CALN1: variants seen among roughly 807,000 people sequenced by gnomAD.
CALN1 encodes calneuron 1, also known as calcium-binding protein 8.
CALN1 carries 17 observed loss-of-function variants against 30.6 expected under a neutral mutation model. The observed-to-expected ratio is 0.56, with a 90% CI of 0.38 to 0.83. CALN1 has a LOEUF of 0.83. CALN1 is among the 40% of genes least tolerant of loss of function. CALN1 has a pLI of 0.00. For synonymous variants in CALN1, 156 were observed against 131.4 expected, an observed-to-expected ratio of 1.19 and a Z score of -1.28; for missense variants, 291 against 354.9, an observed-to-expected ratio of 0.82 and a Z score of 1.45.
Position 72,070,402 on chromosome 7 carries a change from C to T in CALN1, c.388+35749G>A, listed in dbSNP as rs76239999. Among the ~76,000 whole-genome samples the T allele has an allele frequency of 3.2e-3, 485 of 152,298 alleles. 2 individuals are homozygous for T. The highest frequency in any genetic ancestry group is 0.01 in the African/African-American group (435 of 41,560). Reference sequence around the variant, plus strand: ...GTCCAACTGCTGCAGGTCCATGAGGCTCTGCCTGGCCCAGCATTCTGTTGT... The same window carrying T: ...GTCCAACTGCTGCAGGTCCATGAGGTTCTGCCTGGCCCAGCATTCTGTTGT... On this transcript the variant is annotated intron_variant, in intron 4 of 6. Transcript: ENST00000395275.
At chr7:71,898,140 G>A (rs1584471088) in intron 5 of CALN1, among the ~76,000 whole-genome samples, 1 of 151,752 alleles carries the variant, frequency 6.6e-6, no homozygotes, top group South Asian at 2.1e-4. Context: ...GACCAGCCTG[G>A]CCAACATGGT....
chr7:72,273,785 A>C (rs1797162541), intron 3 of CALN1, among the ~76,000 whole-genome samples: 1 of 152,120 alleles, frequency 6.6e-6, no homozygotes, highest in South Asian at 2.1e-4. Flanking sequence ...TGCTGGGATT[A>C]CATAGGCATG....
intron 2 of CALN1, among the ~76,000 whole-genome samples, chr7:72,353,177 C>T (rs191179856): frequency 2.6e-5 from 4 of 152,200 alleles, no homozygotes; most frequent in Non-Finnish European, 4.4e-5. Context: ...TTTAATGAAG[C>T]GCTAATACCA....
chr7:71,819,185 A>G (rs889003274), intron 5 of CALN1, among the ~76,000 whole-genome samples: 6 of 151,588 alleles, frequency 4.0e-5, no homozygotes, highest in Admixed American at 2.6e-4. Flanking sequence ...GTAAAATATA[A>G]TAACTAAAAA....
chr7:71,916,840 G>GT (rs1794709834), intron 5 of CALN1, among the ~76,000 whole-genome samples: 2 of 152,014 alleles, frequency 1.3e-5, no homozygotes, highest in Non-Finnish European at 2.9e-5. Context: ...TTCTTGCGAT[G>GT]TAAGTAGCAT....
At chr7:72,040,075 A>G (rs1000576912) in intron 4 of CALN1, among the ~76,000 whole-genome samples, 1 of 152,184 alleles carries the variant, frequency 6.6e-6, no homozygotes, top group African/African-American at 2.4e-5. Context: ...TTTAGCTCAA[A>G]TTGAATGAGA....
At chr7:72,320,999 T>C (rs1271411463) in intron 2 of CALN1, among the ~76,000 whole-genome samples, 2 of 152,108 alleles carry the variant, frequency 1.3e-5, no homozygotes, top group South Asian at 2.1e-4. Context: ...CATAAAAACG[T>C]TATTGAAAAG....
intron 2 of CALN1, among the ~76,000 whole-genome samples, chr7:72,317,255 G>C (rs1164679216): frequency 7.0e-6 from 1 of 141,856 alleles, no homozygotes; most frequent in African/African-American, 2.7e-5. Flanking sequence ...GGAGAGAGAA[G>C]GGGGGGACGG....
intron 1 of CALN1, among the ~76,000 whole-genome samples, chr7:72,411,106 G>A (rs971023213): frequency 5.9e-5 from 9 of 152,104 alleles, no homozygotes; most frequent in African/African-American, 1.9e-4. Flanking sequence ...AGAAGATAAT[G>A]TATGAGCAGA....
chr7:71,845,732 GCTGAC>G lies in CALN1; in HGVS notation c.502-35245_502-35241del, dbSNP rs574715840. 3.0e-4 allele frequency among the ~76,000 whole-genome samples: 45 copies of G among 152,192 alleles called. No homozygotes were observed. The South Asian group carries it at 9.4e-3, about 32-fold the overall frequency. On this transcript the variant is annotated intron_variant, in intron 5 of 6. Transcript: ENST00000395275. ...GCTGATTCTGGTCATCACTTCTAGG[GCTGAC>G]CTGGGATTTCCCGCTGGGTTAAGAT...
chr7:71,824,685 C>A (rs376418438), intron 5 of CALN1, among the ~76,000 whole-genome samples: 1 of 152,118 alleles, frequency 6.6e-6, no homozygotes, highest in Non-Finnish European at 1.5e-5. Flanking sequence ...AGTTCTTTCT[C>A]CTCTGGAGAA....
At chr7:72,364,297 T>TTGTC (rs71069060) in intron 2 of CALN1, among the ~76,000 whole-genome samples, 149,746 of 152,212 alleles carry the variant, frequency 0.98, 73,701 homozygotes, top group Middle Eastern at 1. Flanking sequence ...ATTCTAAAAC[T>TTGTC]TGTAAGATTC....
chr7:72,212,157 C>T (rs184034589), intron 3 of CALN1, among the ~76,000 whole-genome samples: 1 of 151,968 alleles, frequency 6.6e-6, no homozygotes, highest in African/African-American at 2.4e-5. Context: ...TGGAGACCAT[C>T]CTGGCTAACA....
intron 5 of CALN1, among the ~76,000 whole-genome samples, chr7:71,826,035 A>T (rs1223584987): frequency 1.2e-4 from 8 of 64,758 alleles, no homozygotes; most frequent in African/African-American, 5.1e-4. Context: ...TCTGTCTCAA[A>T]AAAAAAAAAA....
At chr7:71,853,372 T>C (rs1255071156) in intron 5 of CALN1, among the ~76,000 whole-genome samples, 2 of 152,172 alleles carry the variant, frequency 1.3e-5, no homozygotes, top group African/African-American at 2.4e-5. Flanking sequence ...TTTTGATATA[T>C]GTATACATTA....
At chr7:71,979,759 AAGTTCTTTGT>A (rs1798293923) in intron 5 of CALN1, among the ~76,000 whole-genome samples, 1 of 152,082 alleles carries the variant, frequency 6.6e-6, no homozygotes, top group South Asian at 2.1e-4. Context: ...TTGAGGAATA[AAGTTCTTTGT>A]ATAATTTAGG....
chr7:72,104,916 C>A (rs1346527163), intron 4 of CALN1, among the ~76,000 whole-genome samples: 1 of 151,940 alleles, frequency 6.6e-6, no homozygotes, highest in Non-Finnish European at 1.5e-5. Flanking sequence ...GAGATCGCAT[C>A]ACTGTACTCC....
rs1403257339 is a variant in CALN1, at chr7:72,412,305, A to G, written c.-321T>C. 1 of 152,134 alleles carries G rather than the reference A, an allele frequency of 6.6e-6. No homozygotes were observed. The highest frequency in any genetic ancestry group is 2.1e-4 in the South Asian group (1 of 4,820). The allele number at this position is 152,134 out of a possible 1,614,324, so 9.4% of individuals were successfully genotyped here. On this transcript the variant is annotated 5_prime_UTR_variant, in exon 1 of 7. Transcript: ENST00000395275. ...ATTAAGAAGCAGGAAAGAAAAAAAC[A>G]CAAACTCAAGCGGATAGCACCCCAG...
At position 72,080,200 on chromosome 7, in the gene CALN1, A is replaced by G. The variant is rs976464389; in HGVS notation, c.388+25951T>C. 3.9e-5 allele frequency among the ~76,000 whole-genome samples: 6 copies of G among 152,156 alleles called. No individual in the cohort carries two copies. In the South Asian group the frequency reaches 1.2e-3, roughly 31 times the overall value. ...TACACCTGTGCAGAACGAACCTGTTACTTCATTTTTTTCCCCACCACTAAT... is the reference window on the plus strand; with the variant it reads ...TACACCTGTGCAGAACGAACCTGTTGCTTCATTTTTTTCCCCACCACTAAT... On this transcript the variant is annotated intron_variant, in intron 4 of 6. Coordinates refer to ENST00000395275, the MANE Select transcript of CALN1 (RefSeq NM_031468.4).
Sources: allele counts gnomAD v4.1 joint callset (sites outside exome capture counted in the v4.1 genomes callset), GRCh38; gene constraint gnomAD v4.1.1; transcripts MANE v1.5; gene names NCBI Gene and HGNC (gene_info 2026-07-23, HGNC 2026-07-21).